The following BRWD3 variants were observed in gnomAD, a reference collection of about 807,000 sequenced individuals.
BRWD3 encodes bromodomain and WD repeat-containing protein 3.
Under a neutral mutation model 149.7 loss-of-function variants are expected in BRWD3, and 10 were observed. The ratio of observed to expected loss-of-function variants is 0.07; its 90% CI spans 0.04 to 0.11. The LOEUF (loss-of-function observed/expected upper bound fraction) is 0.11. Among genes scored for constraint, BRWD3 ranks in the 10% least tolerant of loss-of-function variants. BRWD3 has a pLI of 1.00. For synonymous variants in BRWD3, 504 were observed against 456.7 expected, an observed-to-expected ratio of 1.10 and a Z score of -1.32; for missense variants, 940 against 1,373.2, an observed-to-expected ratio of 0.68 and a Z score of 4.99.
At chrX:80,691,791 A>C (rs1322080059) in intron 30 of BRWD3, 32 bp downstream of exon 30, 9 of 1,208,991 alleles carry the variant, frequency 7.4e-6, no homozygotes, top group Non-Finnish European at 1.0e-5. Flanking sequence ...GCTCTCTTGC[A>C]TGCTCCTAAA....
intron 6 of BRWD3, among the ~76,000 whole-genome samples, chrX:80,756,502 C>CAAAAAA (rs974549325): frequency 5.1e-4 from 21 of 41,289 alleles, no homozygotes; most frequent in Admixed American, 9.3e-4. Flanking sequence ...AACTCTGTCT[C>CAAAAAA]AAAAAAAAAA....
At chrX:80,792,488 A>T (rs2147855482) in intron 5 of BRWD3, among the ~76,000 whole-genome samples, 1 of 112,226 alleles carries the variant, frequency 8.9e-6, no homozygotes, top group African/African-American at 3.2e-5. Flanking sequence ...TTTAAGTCAA[A>T]AAATGTAAGG....
chrX:80,757,926 C>T (rs1050702188), intron 6 of BRWD3, among the ~76,000 whole-genome samples: 6 of 112,173 alleles, frequency 5.3e-5, no homozygotes, highest in African/African-American at 9.7e-5. Context: ...ATAGGCTGGG[C>T]GCGGTGGCTC....
At chrX:80,793,872 G>C in intron 4 of BRWD3, 100 bp from the exon 5 acceptor site, 1 of 901,544 alleles carries the variant, frequency 1.1e-6, no homozygotes, top group Non-Finnish European at 1.6e-6. Context: ...ATAGAGCAAA[G>C]TACAGTTTTA....
intron 4 of BRWD3, among the ~76,000 whole-genome samples, chrX:80,808,061 T>TGCCCCCCC (rs1390671339): frequency 1.1e-4 from 1 of 9,435 alleles, no homozygotes; most frequent in South Asian, 4.1e-3. Flanking sequence ...GCCTCCCCCC[T>TGCCCCCCC]GCCCCCCCGC....
intron 6 of BRWD3, among the ~76,000 whole-genome samples, chrX:80,761,701 A>T (rs1304956357): frequency 8.9e-6 from 1 of 111,872 alleles, no homozygotes; most frequent in Non-Finnish European, 1.9e-5. Context: ...ATTAGAATAA[A>T]TTTGAATTAG....
intron 6 of BRWD3, among the ~76,000 whole-genome samples, chrX:80,768,767 T>C (rs933404017): frequency 2.7e-5 from 3 of 111,193 alleles, no homozygotes; most frequent in East Asian, 5.6e-4. Flanking sequence ...AATGCCCTAA[T>C]TGAAAGACAC....
intron 36 of BRWD3, among the ~76,000 whole-genome samples, chrX:80,684,413 A>G (rs1394560975): frequency 8.9e-6 from 1 of 112,001 alleles, no homozygotes; most frequent in Non-Finnish European, 1.9e-5. Context: ...TAGAAAATCC[A>G]TAGCCGTTGG....
At chrX:80,786,509 A>C (rs2074108750) in intron 6 of BRWD3, among the ~76,000 whole-genome samples, 1 of 95,787 alleles carries the variant, frequency 1.0e-5, no homozygotes, top group Admixed American at 1.1e-4. Flanking sequence ...TCACCCTTTT[A>C]ATTTGCCTAT....
At chrX:80,733,574 AGGC>A in intron 11 of BRWD3, 78 bp from the exon 12 acceptor site, 1 of 772,237 alleles carries the variant, frequency 1.3e-6, no homozygotes, top group Admixed American at 2.6e-5. Flanking sequence ...TCAAATTCAT[AGGC>A]AAAAACATCA....
chrX:80,766,603 G>A (rs2073860509), intron 6 of BRWD3, among the ~76,000 whole-genome samples: 1 of 112,191 alleles, frequency 8.9e-6, no homozygotes, highest in South Asian at 3.7e-4. Context: ...AACATCAAAT[G>A]CTACAGCCAC....
At position 80,724,950 on chromosome X, in the gene BRWD3, G is replaced by A; in HGVS notation, c.1504C>T (p.Arg502Trp). ...IWDLDRGTKI[R>W]NYFNMIEGQG... ...TCTCTTACCATGTTAAAGTAATTCC[G>A]AATTTTGGTCCCCCGGTCAAGGTCC... Residue 502 changes from arginine to tryptophan, a missense_variant, in exon 15 of 41, where the codon CGG (arginine) becomes TGG (tryptophan). Physicochemically the swap from Arg to Trp is moderately radical, Grantham distance 101. This residue lies in a region of BRWD3 where 209 missense variants were observed against 396.8 expected (regional missense o/e 0.53). Coordinates refer to ENST00000373275, the MANE Select transcript of BRWD3 (RefSeq NM_153252.5). 8.3e-7 allele frequency: 1 copy of A among 1,210,133 alleles called. No homozygotes were observed. Among genetic ancestry groups the A allele is most frequent in the Non-Finnish European group, 1.1e-6 (1 of 894,499 alleles).
At chrX:80,751,001 G>A (rs2073659278) in intron 6 of BRWD3, among the ~76,000 whole-genome samples, 1 of 110,925 alleles carries the variant, frequency 9.0e-6, no homozygotes, top group Non-Finnish European at 1.9e-5. Context: ...GCCAAGCACA[G>A]AAAAACAAAT....
intron 4 of BRWD3, among the ~76,000 whole-genome samples, chrX:80,808,076 C>A (rs1258628122): frequency 2.2e-5 from 2 of 90,682 alleles, no homozygotes; most frequent in Admixed American, 1.2e-4. Flanking sequence ...CCCCGCCCCC[C>A]CCAAAAAAGA....
chrX:80,808,865 A>C (rs1427934223), intron 3 of BRWD3, 148 bp downstream of exon 3: 16 of 628,280 alleles, frequency 2.5e-5, no homozygotes, highest in Non-Finnish European at 3.6e-5. Flanking sequence ...GCCCCTTTTG[A>C]GGGAAGAAGC....
rs201980709 is a variant in BRWD3 at position 80,691,820 on chromosome X, T to C, written c.3481+3A>G. 3.3e-6 allele frequency: 4 copies of C among 1,210,580 alleles called. No individual in the cohort carries two copies. Among genetic ancestry groups the C allele is most frequent in the South Asian group, 1.8e-5 (1 of 56,904 alleles). The stretch of plus-strand genomic sequence containing the variant: ...TCCTAAAATTTTTTCACATTCATCA[T>C]ACCCAGGGAAAGAAGGTGGTTGATG... On this transcript the variant is annotated splice_donor_region_variant and intron_variant, in intron 30 of 40. Transcript: ENST00000373275.
intron 36 of BRWD3, among the ~76,000 whole-genome samples, chrX:80,684,580 A>G (rs1447988310): frequency 9.0e-6 from 1 of 111,698 alleles, no homozygotes; most frequent in Non-Finnish European, 1.9e-5. Context: ...TTGCTATGAG[A>G]ACATTCTACT....
At chrX:80,809,178 G>T (rs2074383485) in intron 2 of BRWD3, 68 bp downstream of exon 2, 1 of 1,151,538 alleles carries the variant, frequency 8.7e-7, no homozygotes, top group Admixed American at 2.5e-5. Context: ...GGAACTGCTC[G>T]TCCCGCTGCC....
chrX:80,714,115 C>T lies in BRWD3; in HGVS notation c.2325+2042G>A, dbSNP rs187716237. ...GGAGAATCAACTAAGAGTCTGGCAT[C>T]TTTTTAAGTCCGATAACAAACATTT... On this transcript the variant is annotated intron_variant, in intron 20 of 40. Coordinates refer to ENST00000373275, the MANE Select transcript of BRWD3 (RefSeq NM_153252.5). Among the ~76,000 whole-genome samples, 328 of 109,513 alleles carry T rather than the reference C, an allele frequency of 3.0e-3. 1 individual carries two copies. The highest frequency in any genetic ancestry group is 4.9e-3 in the Non-Finnish European group (260 of 52,581).
Sources: allele counts gnomAD v4.1 joint callset (sites outside exome capture counted in the v4.1 genomes callset), GRCh38; gene constraint gnomAD v4.1.1; regional missense constraint gnomAD v4.1.1; transcripts MANE v1.5; gene names NCBI Gene and HGNC (gene_info 2026-07-23, HGNC 2026-07-21).